Variants in GRK5 observed in about 807,000 individuals in gnomAD.
The protein encoded by GRK5 is G protein-coupled receptor kinase 5.
GRK5 carries 40 observed loss-of-function variants against 78.4 expected under a neutral mutation model. The observed-to-expected ratio is 0.51, with a 90% confidence interval of 0.40 to 0.66. The LOEUF is 0.66. GRK5 is among the 30% of genes least tolerant of loss of function. The pLI, the probability that GRK5 is intolerant of heterozygous loss-of-function variation, is 0.00. For missense variants in GRK5, 598 were observed against 759.9 expected, an observed-to-expected ratio of 0.79 and a Z score of 2.50; for synonymous variants, 289 against 296.8, an observed-to-expected ratio of 0.97 and a Z score of 0.27.
intron 1 of GRK5, among the ~76,000 whole-genome samples, chr10:119,244,104 C>T (rs182279473): frequency 1.3e-3 from 203 of 152,366 alleles, no homozygotes; most frequent in African/African-American, 4.5e-3. Context: ...GTTGCAGGCA[C>T]TCAGCTCTGC....
At chr10:119,394,348 A>ATG (rs1851974041) in intron 3 of GRK5, among the ~76,000 whole-genome samples, 2 of 33,136 alleles carry the variant, frequency 6.0e-5, no homozygotes, top group African/African-American at 1.6e-4. Flanking sequence ...GTGTGTGGGC[A>ATG]TGTGGGTGTG....
chr10:119,331,186 T>C (rs1850771485), intron 2 of GRK5, among the ~76,000 whole-genome samples: 1 of 152,212 alleles, frequency 6.6e-6, no homozygotes, highest in South Asian at 2.1e-4. Flanking sequence ...TAAACTGGCC[T>C]CTTGGCAGGG....
chr10:119,317,995 G>A lies in GRK5; in HGVS notation c.53-8521G>A, dbSNP rs566806734. Among the ~76,000 whole-genome samples, 11 of 152,010 alleles carry A rather than the reference G, an allele frequency of 7.2e-5. No homozygotes were observed. In the South Asian group the frequency reaches 2.3e-3, roughly 32 times the overall value. The stretch of plus-strand genomic sequence containing the variant: ...TGTCTGATTCTGTAGGTCCAGGGTG[G>A]GGCCCAGGAAGCTGCATTTCTAACT... On this transcript the variant is annotated intron_variant, in intron 1 of 15. Transcript: ENST00000392870.
chr10:119,410,813 C>A (rs1015271709), intron 4 of GRK5, among the ~76,000 whole-genome samples: 7 of 150,766 alleles, frequency 4.6e-5, no homozygotes, highest in African/African-American at 1.2e-4. Flanking sequence ...CCTGGCTAAA[C>A]CCCCTTTACC....
intron 3 of GRK5, among the ~76,000 whole-genome samples, chr10:119,385,527 C>T (rs951723947): frequency 2.0e-5 from 3 of 152,184 alleles, no homozygotes; most frequent in African/African-American, 7.2e-5. Context: ...GAGGCTGTTG[C>T]AGCAGTCCAG....
intron 1 of GRK5, among the ~76,000 whole-genome samples, chr10:119,262,584 C>T (rs1468454858): frequency 6.6e-6 from 1 of 151,972 alleles, no homozygotes. Context: ...CTTCATGATC[C>T]GCCCACCTCA....
chr10:119,271,880 C>T lies in GRK5; in HGVS notation c.53-54636C>T, dbSNP rs888374156. On this transcript the variant is annotated intron_variant, in intron 1 of 15. Coordinates refer to ENST00000392870, the MANE Select transcript of GRK5 (RefSeq NM_005308.3). This position sits in a 1 kb window ranked among gnomAD's most constrained non-coding sequence, Gnocchi z 4.1. ...AGACAGCACTAACCTCGTAGGTACT[C>T]GGGAGGCTGAAGGAGTTCATCTGTG... Among the ~76,000 whole-genome samples, 27 of 152,160 alleles carry T rather than the reference C, an allele frequency of 1.8e-4. No individual in the cohort carries two copies. Among genetic ancestry groups the T allele is most frequent in the African/African-American group, 6.3e-4 (26 of 41,424 alleles).
At chr10:119,270,499 A>G (rs1849567394) in intron 1 of GRK5, among the ~76,000 whole-genome samples, 1 of 152,252 alleles carries the variant, frequency 6.6e-6, no homozygotes, top group Admixed American at 6.5e-5. Context: ...GCTTTATACA[A>G]ATACTACACC....
chr10:119,404,429 TG>T, intron 4 of GRK5, among the ~76,000 whole-genome samples: 1 of 152,360 alleles, frequency 6.6e-6, no homozygotes, highest in East Asian at 1.9e-4. Flanking sequence ...TATCAGTATA[TG>T]ACTTACACAT....
At chr10:119,263,227 G>A (rs1162260357) in intron 1 of GRK5, among the ~76,000 whole-genome samples, 2 of 152,044 alleles carry the variant, frequency 1.3e-5, no homozygotes, top group Admixed American at 6.6e-5. Flanking sequence ...GGCTGGTCTC[G>A]AACTCCTGAC....
At chr10:119,308,288 C>T (rs1039680375) in intron 1 of GRK5, among the ~76,000 whole-genome samples, 8 of 152,266 alleles carry the variant, frequency 5.3e-5, no homozygotes, top group Admixed American at 2.0e-4. Context: ...CCTCACCCTG[C>T]CCCGGCCTCA....
rs186099241 is a variant in GRK5, at chr10:119,239,981, G to C, written c.52+32012G>C. 2.5e-3 allele frequency among the ~76,000 whole-genome samples: 380 copies of C among 152,186 alleles called. 4 individuals are homozygous for C. In the South Asian group the frequency reaches 0.027, roughly 11 times the overall value. On this transcript the variant is annotated intron_variant, in intron 1 of 15. Coordinates refer to ENST00000392870, the MANE Select transcript of GRK5 (RefSeq NM_005308.3). ...GTGAACAGTGCTGCAATAAACATAC[G>C]TGTGCGTGTGTCTTTATAGTAGAAT...
chr10:119,257,549 C>G (rs968276043), intron 1 of GRK5, among the ~76,000 whole-genome samples: 1 of 152,178 alleles, frequency 6.6e-6, no homozygotes, highest in African/African-American at 2.4e-5. Flanking sequence ...CATGGTGAAA[C>G]CCTGTCTCTA....
chr10:119,281,539 C>A (rs1047102757), intron 1 of GRK5, among the ~76,000 whole-genome samples: 4 of 152,198 alleles, frequency 2.6e-5, no homozygotes, highest in Non-Finnish European at 5.9e-5. Context: ...GACCACACAG[C>A]CTGTATTTGA....
At chr10:119,344,449 G>A (rs1035244467) in intron 2 of GRK5, among the ~76,000 whole-genome samples, 19 of 152,290 alleles carry the variant, frequency 1.2e-4, no homozygotes, top group South Asian at 4.1e-4. Flanking sequence ...CTGTCCTTGC[G>A]ATAGTTCAGA....
At chr10:119,313,257 ATGGTGG>A (rs1414383129) in intron 1 of GRK5, among the ~76,000 whole-genome samples, 1 of 121,620 alleles carries the variant, frequency 8.2e-6, no homozygotes, top group South Asian at 2.8e-4. Flanking sequence ...GGTGGTGGTG[ATGGTGG>A]TGGTAATAGT....
chr10:119,212,361 A>C (rs1285006224), intron 1 of GRK5, among the ~76,000 whole-genome samples: 1 of 152,214 alleles, frequency 6.6e-6, no homozygotes, highest in Non-Finnish European at 1.5e-5. Context: ...GTCAGATTCT[A>C]AACTCCAAAG....
chr10:119,407,626 T>C (rs1852262535), intron 4 of GRK5, among the ~76,000 whole-genome samples: 1 of 152,382 alleles, frequency 6.6e-6, no homozygotes, highest in East Asian at 1.9e-4. Context: ...TTTATAGCTT[T>C]AGTGCATTCT....
chr10:119,451,480 TC>T (rs1853284085), intron 13 of GRK5, among the ~76,000 whole-genome samples: 2 of 152,088 alleles, frequency 1.3e-5, no homozygotes, highest in South Asian at 4.1e-4. Flanking sequence ...TCTGTTGCCA[TC>T]TTAAAATTCT....
Sources: allele counts gnomAD v4.1 joint callset (sites outside exome capture counted in the v4.1 genomes callset), GRCh38; gene constraint gnomAD v4.1.1; non-coding constraint Gnocchi (gnomAD v3.1); transcripts MANE v1.5; gene names NCBI Gene and HGNC (gene_info 2026-07-23, HGNC 2026-07-21).